Variants in PTPRG observed in about 807,000 individuals in gnomAD.
PTPRG encodes receptor-type tyrosine-protein phosphatase gamma.
In PTPRG, 102 loss-of-function variants were observed where a neutral mutation model predicts 165.3. That is an observed-to-expected ratio of 0.62 (90% confidence interval 0.53 to 0.73). The LOEUF (loss-of-function observed/expected upper bound fraction) is 0.73. Ranked by LOEUF, PTPRG falls within the 30% of genes least tolerant of loss-of-function variation. The pLI is 0.00. For missense variants in PTPRG, 1,866 were observed against 1,861.4 expected, an observed-to-expected ratio of 1.00 and a Z score of -0.05; for synonymous variants, 675 against 669.5, an observed-to-expected ratio of 1.01 and a Z score of -0.13.
rs746237779 is a variant in PTPRG at position 62,167,961 on chromosome 3, C to T, written c.841-10C>T. The T allele has an allele frequency of 1.9e-6, 3 of 1,608,098 alleles. No homozygotes were observed. Among genetic ancestry groups the T allele is most frequent in the Admixed American group, 1.7e-5 (1 of 59,964 alleles). On this transcript the variant is annotated splice_polypyrimidine_tract_variant and intron_variant, in intron 7 of 29. Transcript: ENST00000474889. ...TTTTTTCCCCCTCCCCTCTCTGGTCCTCTGTTCAGCTTGAGGCTTTTTATT... is the reference window on the plus strand; with the variant it reads ...TTTTTTCCCCCTCCCCTCTCTGGTCTTCTGTTCAGCTTGAGGCTTTTTATT...
intron 4 of PTPRG, among the ~76,000 whole-genome samples, chr3:62,041,401 G>A (rs555627261): frequency 6.6e-6 from 1 of 152,140 alleles, no homozygotes; most frequent in African/African-American, 2.4e-5. Flanking sequence ...AAAAGGTTGA[G>A]ATGATACCAT....
At chr3:62,220,850 G>A (rs1700635403) in intron 13 of PTPRG, among the ~76,000 whole-genome samples, 1 of 152,162 alleles carries the variant, frequency 6.6e-6, no homozygotes, top group Non-Finnish European at 1.5e-5. Flanking sequence ...CCACAGGGGA[G>A]CAGAGAAGTC....
intron 2 of PTPRG, among the ~76,000 whole-genome samples, chr3:61,883,791 G>T (rs2037954380): frequency 6.6e-6 from 1 of 152,078 alleles, no homozygotes; most frequent in Non-Finnish European, 1.5e-5. Flanking sequence ...GCGCACTGTA[G>T]CCCCTACCTC....
chr3:61,809,476 G>C (rs970420466), intron 2 of PTPRG, among the ~76,000 whole-genome samples: 5 of 152,184 alleles, frequency 3.3e-5, no homozygotes, highest in Admixed American at 2.0e-4. Context: ...TGGTGTACTA[G>C]TGTCTGACAC....
chr3:61,966,733 G>A (rs1179034751), intron 2 of PTPRG, among the ~76,000 whole-genome samples: 4 of 152,086 alleles, frequency 2.6e-5, no homozygotes, highest in African/African-American at 9.7e-5. Context: ...CAAATAGACA[G>A]GTGGCTCTAG....
At chr3:62,188,713 T>G (rs1314651418) in intron 8 of PTPRG, among the ~76,000 whole-genome samples, 8 of 152,182 alleles carry the variant, frequency 5.3e-5, no homozygotes, top group Non-Finnish European at 1.2e-4. Context: ...ATGATGTAAC[T>G]GTCAGAGAGG....
intron 2 of PTPRG, among the ~76,000 whole-genome samples, chr3:61,882,262 T>G (rs1360468020): frequency 1.3e-5 from 2 of 152,206 alleles, no homozygotes; most frequent in African/African-American, 4.8e-5. Flanking sequence ...CAGTGACTAG[T>G]TGGGAAGTTG....
At chr3:61,825,888 T>C (rs2036095418) in intron 2 of PTPRG, among the ~76,000 whole-genome samples, 1 of 152,042 alleles carries the variant, frequency 6.6e-6, no homozygotes, top group Non-Finnish European at 1.5e-5. Flanking sequence ...TAGACTCAAG[T>C]AATTTTCCTG....
chr3:61,668,510 G>A (rs989117329), intron 1 of PTPRG, among the ~76,000 whole-genome samples: 3 of 152,136 alleles, frequency 2.0e-5, no homozygotes, highest in Non-Finnish European at 2.9e-5. Context: ...TTAGTAGAAA[G>A]CAAACGGCAG....
chr3:62,010,202 G>A (rs1038337065), intron 4 of PTPRG, among the ~76,000 whole-genome samples: 2 of 152,164 alleles, frequency 1.3e-5, no homozygotes, highest in African/African-American at 4.8e-5. Context: ...TCAGGTGTGA[G>A]CCACCATGCC....
intron 28 of PTPRG, among the ~76,000 whole-genome samples, chr3:62,285,587 T>G (rs1480768885): frequency 6.7e-6 from 1 of 149,382 alleles, no homozygotes; most frequent in East Asian, 2.0e-4. Context: ...GAGCTAAGAA[T>G]AAAATTCCTA....
chr3:61,792,910 G>T lies in PTPRG; in HGVS notation c.190+43928G>T, dbSNP rs563536367. 7.2e-5 allele frequency among the ~76,000 whole-genome samples: 11 copies of T among 152,082 alleles called. No individual in the cohort carries two copies. The South Asian group carries it at 1.9e-3, about 26-fold the overall frequency. Reference sequence around the variant, plus strand: ...CGCCTGGCTAACTTTTTGTATTTCAGTGGAGTTGGGGTTTCACCATGTTGG... The same window carrying T: ...CGCCTGGCTAACTTTTTGTATTTCATTGGAGTTGGGGTTTCACCATGTTGG... On this transcript the variant is annotated intron_variant, in intron 2 of 29. Transcript: ENST00000474889.
intron 2 of PTPRG, among the ~76,000 whole-genome samples, chr3:61,766,020 C>T (rs879458632): frequency 3.3e-5 from 5 of 152,118 alleles, no homozygotes; most frequent in African/African-American, 7.2e-5. Context: ...GCATTGAAGG[C>T]CACTGACGTT....
At chr3:62,191,281 T>TGA (rs961187174) in intron 8 of PTPRG, among the ~76,000 whole-genome samples, 188 bp from the exon 9 acceptor site, 7 of 149,832 alleles carry the variant, frequency 4.7e-5, no homozygotes, top group Admixed American at 1.3e-4. Context: ...CACGTGTGTG[T>TGA]GAGAGAGAGG....
At chr3:62,132,558 G>C (rs886567295) in intron 5 of PTPRG, 44 bp from the exon 6 acceptor site, 1 of 1,457,284 alleles carries the variant, frequency 6.9e-7, no homozygotes, top group South Asian at 1.1e-5. Flanking sequence ...TGTTGTGCCT[G>C]ATGCCAGAAT....
In PTPRG at chr3:62,021,928, C is replaced by T. The variant is rs570219588; in HGVS notation, c.519+18431C>T. On this transcript the variant is annotated intron_variant, in intron 4 of 29. Transcript: ENST00000474889. ...TATTGTTTTCTGATTTCCTTTTTCC[C>T]TTCCCCCTCAAAAAAGAAAGTGTCT... Among the ~76,000 whole-genome samples the T allele has an allele frequency of 2.7e-3, 393 of 144,110 alleles. 3 individuals are homozygous for T. Among genetic ancestry groups the T allele is most frequent in the African/African-American group, 9.7e-3 (378 of 39,154 alleles). The allele number at this position is 144,110 out of a possible 152,430, so 94.5% of individuals were successfully genotyped here.
chr3:61,998,738 C>T (rs2041100948), intron 3 of PTPRG, among the ~76,000 whole-genome samples: 1 of 152,180 alleles, frequency 6.6e-6, no homozygotes, highest in South Asian at 2.1e-4. Flanking sequence ...TCTACTGTCT[C>T]CATCATTCTG....
Position 62,203,853 on chromosome 3 carries a change from A to C in PTPRG, c.2058A>C (p.Ala686=). The C allele has an allele frequency of 1.2e-6, 2 of 1,614,162 alleles. No individual in the cohort carries two copies. The highest frequency in any genetic ancestry group is 1.7e-6 in the Non-Finnish European group (2 of 1,180,018). ...CCACCGCCACAGAGGAGCAGTATGC[A>C]GGGAGTGATCCCAAGAGGCCCGAAA... ...VPPTATEEQY[A]GSDPKRPEMP... is the part of the protein sequence containing the mutation. Residue 686 remains alanine, a synonymous_variant, in exon 12 of 30, where the codon GCA becomes GCC. Coordinates refer to ENST00000474889, the MANE Select transcript of PTPRG (RefSeq NM_002841.4). The surrounding 1 kb of genome is among the most constrained non-coding windows in gnomAD (Gnocchi z 6.4).
intron 2 of PTPRG, among the ~76,000 whole-genome samples, chr3:61,869,180 G>C (rs2037492222): frequency 6.6e-6 from 1 of 152,176 alleles, no homozygotes; most frequent in South Asian, 2.1e-4. Flanking sequence ...TTCAAATAGG[G>C]AGCAGCATCC....
Sources: allele counts gnomAD v4.1 joint callset (sites outside exome capture counted in the v4.1 genomes callset), GRCh38; gene constraint gnomAD v4.1.1; non-coding constraint Gnocchi (gnomAD v3.1); transcripts MANE v1.5; gene names NCBI Gene and HGNC (gene_info 2026-07-23, HGNC 2026-07-21).